The following ARMC2 variants were observed in gnomAD, a reference collection of about 807,000 sequenced individuals.
ARMC2 encodes the protein armadillo repeat containing 2, also known as armadillo repeat-containing protein 2.
In ARMC2, 67 loss-of-function variants were observed where a neutral mutation model predicts 90.3. The observed-to-expected ratio is 0.74, with a 90% CI of 0.61 to 0.91. ARMC2 has a LOEUF of 0.91. Among genes scored for constraint, ARMC2 ranks in the 40% least tolerant of loss-of-function variants. The probability of loss-of-function intolerance (pLI) is 0.00; values close to 1 mark genes in which losing one functional copy is unlikely to be tolerated. For missense variants in ARMC2, 920 were observed against 1,030.9 expected, an observed-to-expected ratio of 0.89 and a Z score of 1.47; for synonymous variants, 393 against 393.0, an observed-to-expected ratio of 1.00 and a Z score of 0.00.
At chr6:109,014,605 T>C in the ARMC2 span, among the ~76,000 whole-genome samples, 1 of 152,242 alleles carries the variant, frequency 6.6e-6, no homozygotes, top group Non-Finnish European at 1.5e-5. Context: ...CCCTTGCTTT[T>C]ACTCAGGGTG....
chr6:109,003,301 T>C, the ARMC2 span, among the ~76,000 whole-genome samples: 1 of 151,208 alleles, frequency 6.6e-6, no homozygotes, highest in Admixed American at 6.6e-5. Context: ...AATTCTACTC[T>C]CTCCTTACTG....
the ARMC2 span, among the ~76,000 whole-genome samples, chr6:108,985,531 T>TA: frequency 6.6e-6 from 1 of 152,240 alleles, no homozygotes; most frequent in African/African-American, 2.4e-5. Flanking sequence ...ATTGAAACAT[T>TA]AACTTTGTAT....
At chr6:108,995,967 C>G in the ARMC2 span, among the ~76,000 whole-genome samples, 8 of 152,130 alleles carry the variant, frequency 5.3e-5, no homozygotes, top group Admixed American at 5.2e-4. Flanking sequence ...TCATTTACCC[C>G]ACAAGCTCCA....
chr6:109,007,834 A>C, the ARMC2 span, among the ~76,000 whole-genome samples: 1 of 151,226 alleles, frequency 6.6e-6, no homozygotes, highest in East Asian at 1.9e-4. Flanking sequence ...TTTAGAAAAA[A>C]AACTTACTGA....
chr6:109,011,423 T>C, the ARMC2 span, among the ~76,000 whole-genome samples: 1 of 152,162 alleles, frequency 6.6e-6, no homozygotes, highest in South Asian at 2.1e-4. Context: ...TAGTGGTTTA[T>C]GGAGAACCTT....
At chr6:108,867,893 C>T (rs1775990574) in intron 3 of ARMC2, among the ~76,000 whole-genome samples, 1 of 152,126 alleles carries the variant, frequency 6.6e-6, no homozygotes, top group African/African-American at 2.4e-5. Flanking sequence ...GAGATCGCAC[C>T]ATTGCACTCC....
At chr6:109,048,035 A>G in the ARMC2 span, among the ~76,000 whole-genome samples, 1 of 149,372 alleles carries the variant, frequency 6.7e-6, no homozygotes, top group African/African-American at 2.5e-5. Context: ...TCCCTCCACT[A>G]TTGTCCCATG....
chr6:108,990,788 A>G, the ARMC2 span: 1 of 1,614,108 alleles, frequency 6.2e-7, no homozygotes, highest in South Asian at 1.1e-5. Flanking sequence ...CCACATCTGG[A>G]TAAAGGCGAT....
intron 10 of ARMC2, among the ~76,000 whole-genome samples, chr6:108,913,151 T>C (rs1773608300): frequency 6.6e-6 from 1 of 152,226 alleles, no homozygotes; most frequent in African/African-American, 2.4e-5. Context: ...GTTAAATTAT[T>C]TTCACTGGAG....
At chr6:108,865,993 G>C (rs1026521950) in intron 3 of ARMC2, among the ~76,000 whole-genome samples, 1 of 150,212 alleles carries the variant, frequency 6.7e-6, no homozygotes, top group Non-Finnish European at 1.5e-5. Context: ...CTCCAGCCTG[G>C]GTGACAGAAT....
chr6:108,939,862 C>T (rs1281277406), intron 12 of ARMC2, among the ~76,000 whole-genome samples: 1 of 152,170 alleles, frequency 6.6e-6, no homozygotes, highest in Admixed American at 6.5e-5. Context: ...TTGCATGTTT[C>T]TCTTCCTTCT....
chr6:108,856,002 TTTC>T (rs1383021302), intron 2 of ARMC2, among the ~76,000 whole-genome samples: 5 of 152,236 alleles, frequency 3.3e-5, no homozygotes, highest in African/African-American at 4.8e-5. Context: ...CTCTGCAGCT[TTTC>T]TTCTTCTTCT....
chr6:109,026,160 T>C, the ARMC2 span, among the ~76,000 whole-genome samples: 3 of 152,156 alleles, frequency 2.0e-5, no homozygotes, highest in African/African-American at 4.8e-5. Context: ...AGAGAAAATA[T>C]CATTGTTGAA....
rs1775637074 is a variant in ARMC2 at position 108,864,713 on chromosome 6, A to C, written c.292-4111A>C. On this transcript the variant is annotated intron_variant, in intron 3 of 17. Transcript: ENST00000392644. ...TCCAGTTGTCACATAGGATCGGGGG[A>C]GACCCTGTTGGGTGATCTGGAAGAG... 2.0e-5 allele frequency among the ~76,000 whole-genome samples: 3 copies of C among 152,104 alleles called. No homozygotes were observed. The South Asian group carries it at 6.2e-4, about 32-fold the overall frequency.
intron 12 of ARMC2, among the ~76,000 whole-genome samples, chr6:108,949,336 T>G (rs1777022472): frequency 6.6e-6 from 1 of 152,214 alleles, no homozygotes; most frequent in African/African-American, 2.4e-5. Context: ...GAAATGGAAG[T>G]TATCATTTTT....
the ARMC2 span, among the ~76,000 whole-genome samples, chr6:108,991,333 C>T: frequency 1.3e-5 from 2 of 152,234 alleles, no homozygotes; most frequent in South Asian, 4.1e-4. Context: ...TCTCCAACTG[C>T]TGGGCTCAAG....
At chr6:108,910,701 T>G (rs755285041) in intron 8 of ARMC2, among the ~76,000 whole-genome samples, 198 bp from the exon 9 acceptor site, 27 of 152,232 alleles carry the variant, frequency 1.8e-4, no homozygotes, top group Non-Finnish European at 8.8e-5. Context: ...TAATTTATAT[T>G]GTGTTTACTC....
chr6:109,039,163 GAGAAGAAAGAAGA>G, the ARMC2 span, among the ~76,000 whole-genome samples: 1 of 151,782 alleles, frequency 6.6e-6, no homozygotes, highest in Middle Eastern at 3.4e-3. Flanking sequence ...GGAGGAGGAG[GAGAAGAAAGAAGA>G]AGAAGAAAGA....
At chr6:108,955,370 C>T (rs533251556) in intron 13 of ARMC2, among the ~76,000 whole-genome samples, 72 of 152,232 alleles carry the variant, frequency 4.7e-4, no homozygotes, top group Admixed American at 3.1e-3. Context: ...GTGACAAGGC[C>T]GTGCTTCATT....
Sources: gnomAD v4.1 joint callset for allele counts (sites outside exome capture counted in the v4.1 genomes callset) on GRCh38, gnomAD v4.1.1 for gene constraint, MANE v1.5 for transcripts, NCBI Gene and HGNC (gene_info 2026-07-23, HGNC 2026-07-21) for gene names.